TIMM8B: variants seen among roughly 807,000 people sequenced by gnomAD.
TIMM8B encodes translocase of inner mitochondrial membrane 8 homolog B, also known as mitochondrial import inner membrane translocase subunit Tim8 B.
A neutral mutation model predicts 8.5 loss-of-function variants in TIMM8B; 5 were observed. That is an observed-to-expected ratio of 0.59 (90% CI 0.31 to 1.24). The LOEUF is 1.24. TIMM8B is among the 50% of genes most tolerant of loss of function. TIMM8B has a pLI of 0.07. For synonymous variants in TIMM8B, 44 were observed against 39.9 expected, an observed-to-expected ratio of 1.10 and a Z score of -0.39; for missense variants, 104 against 109.2, an observed-to-expected ratio of 0.95 and a Z score of 0.21.
At chr11:112,086,457 C>T (rs1015991710) in intron 1 of TIMM8B, 183 bp downstream of exon 1, 52 of 932,706 alleles carry the variant, frequency 5.6e-5, no homozygotes, top group Non-Finnish European at 7.5e-5. Context: ...CGCTTATATA[C>T]CTGGCACCTG....
chr11:112,086,411 C>A, intron 1 of TIMM8B: 1 of 765,706 alleles, frequency 1.3e-6, no homozygotes, highest in Non-Finnish European at 2.2e-6. Context: ...TCGCCCAAAT[C>A]TTCCCTGTTT....
In TIMM8B at chr11:112,085,301, C is replaced by T. The variant is rs763728326; in HGVS notation, c.246G>A (p.Gly82=). The stretch of plus-strand genomic sequence containing the variant: ...CATTCTCCTGGGGGATGGCCTACTG[C>T]CCTCCTTTCTGTACAATCTGGGCAA... The part of the protein sequence containing the change: ...SRFAQIVQKG[G]Q The change falls in exon 2 of 2, where the codon GGG becomes GGA. Residue 82 remains glycine (G), a synonymous_variant. Coordinates refer to ENST00000504148, the MANE Select transcript of TIMM8B (RefSeq NM_012459.4). The T allele has an allele frequency of 6.2e-7, 1 of 1,610,272 alleles. No individual in the cohort carries two copies. Among genetic ancestry groups the T allele is most frequent in the African/African-American group, 1.3e-5 (1 of 74,810 alleles).
chr11:112,086,017 A>C, intron 1 of TIMM8B: 1 of 1,155,884 alleles, frequency 8.7e-7, no homozygotes. Context: ...GTTCTCTCTA[A>C]GGTCCTCAAG....
In TIMM8B at chr11:112,085,374, C is replaced by A; in HGVS notation, c.173G>T (p.Ser58Ile). Residue 58 changes from serine to isoleucine, a missense_variant, in exon 2 of 2, where the codon AGC becomes ATC. Transcript: ENST00000504148. ...GGTGTCAATGAAGCGGTCTACACAG[C>A]TGGAGAGACAATTTTCAGTGCGAGA... Reference protein sequence around the residue: ...LDSRTENCLSSCVDRFIDTTL... With the variant: ...LDSRTENCLSICVDRFIDTTL... 6.2e-7 allele frequency: 1 copy of A among 1,613,932 alleles called. No individual in the cohort carries two copies. The highest frequency in any genetic ancestry group is 8.5e-7 in the Non-Finnish European group (1 of 1,180,028).
intron 1 of TIMM8B, chr11:112,086,239 C>G: frequency 2.0e-6 from 1 of 496,536 alleles, no homozygotes; most frequent in Non-Finnish European, 3.8e-6. Flanking sequence ...TCCTCACAAT[C>G]CAGTGAGGCA....
chr11:112,086,135 C>A, intron 1 of TIMM8B: 1 of 945,208 alleles, frequency 1.1e-6, no homozygotes. Context: ...GGCTCCAAAC[C>A]CTTGTTCTAC....
intron 1 of TIMM8B, chr11:112,086,300 G>T: frequency 1.9e-6 from 1 of 515,180 alleles, no homozygotes; most frequent in Non-Finnish European, 3.7e-6. Flanking sequence ...TCTTTTCTAC[G>T]GGCACGTGGC....
rs967366221 is a variant in TIMM8B at position 112,084,974 on chromosome 11, C to T, written c.*321G>A. On this transcript the variant is annotated 3_prime_UTR_variant, in exon 2 of 2. Coordinates refer to ENST00000504148, the MANE Select transcript of TIMM8B (RefSeq NM_012459.4). ...TGGTTTTTCAAAACCTACAATCCCC[C>T]ATTTGCACTACTGGCCATGGAACAT... 4.9e-6 allele frequency: 1 copy of T among 203,448 alleles called. No individual in the cohort carries two copies. The highest frequency in any genetic ancestry group is 2.3e-5 in the African/African-American group (1 of 43,400). The allele number at this position is 203,448 out of a possible 1,614,324, so 12.6% of individuals were successfully genotyped here. A position where few individuals can be genotyped will look rare whatever the true frequency, so the allele number is the denominator to read the frequency against.
intron 1 of TIMM8B, chr11:112,085,938 T>A (rs964337097): frequency 5.0e-6 from 5 of 1,003,724 alleles, no homozygotes; most frequent in Non-Finnish European, 6.1e-6. Context: ...ACCCTCTTCC[T>A]CCCACCCAAA....
At chr11:112,086,081 T>C in intron 1 of TIMM8B, 4 of 1,207,296 alleles carry the variant, frequency 3.3e-6, no homozygotes, top group South Asian at 2.9e-5. Context: ...TCCAAGGTCA[T>C]GTAGCCAGCA....
rs1344458435 is a variant in TIMM8B at position 112,086,720 on chromosome 11, C to G, written c.4G>C (p.Ala2Pro). The change falls in exon 1 of 2, where the codon GCG (alanine) becomes CCG (proline). Residue 2 changes from alanine to proline, a missense_variant. Coordinates refer to ENST00000504148, the MANE Select transcript of TIMM8B (RefSeq NM_012459.4). ...GCTTCATCGGCTTCGCCCAGCTCCG[C>G]CATTGTTCGCCTCAGGCTCGCCACC... M[A>P]ELGEADEAEL... 2 of 1,602,362 alleles carry G rather than the reference C, an allele frequency of 1.2e-6. No individual in the cohort carries two copies. Among genetic ancestry groups the G allele is most frequent in the Admixed American group, 3.4e-5 (2 of 58,984 alleles).
At chr11:112,085,589 C>T (rs1185087547) in intron 1 of TIMM8B, 127 bp from the exon 2 acceptor site, 2 of 704,982 alleles carry the variant, frequency 2.8e-6, no homozygotes, top group Non-Finnish European at 4.5e-6. Context: ...ACTTTGGGCT[C>T]TTCTCTTTCT....
chr11:112,085,424 C>T lies in TIMM8B; in HGVS notation c.123G>A (p.Val41=). 6.2e-7 allele frequency: 1 copy of T among 1,614,014 alleles called. No homozygotes were observed. Among genetic ancestry groups the T allele is most frequent in the Non-Finnish European group, 8.5e-7 (1 of 1,179,928 alleles). Residue 41 remains valine, a synonymous_variant, in exon 2 of 2, where the codon GTG becomes GTA. Transcript: ENST00000504148. ...HFMELCWDKC[V]EKPGNRLDSR... ...AGTCTAGGCGATTCCCTGGCTTCTC[C>T]ACACATTTATCCCAACATAACTCCA...
intron 1 of TIMM8B, chr11:112,086,278 A>C (rs1865595148): frequency 6.1e-6 from 3 of 494,750 alleles, no homozygotes; most frequent in South Asian, 3.1e-5. Flanking sequence ...CAAAACCCAC[A>C]GTGGATGAGT....
At chr11:112,085,539 G>T in intron 1 of TIMM8B, 77 bp from the exon 2 acceptor site, 3 of 1,258,546 alleles carry the variant, frequency 2.4e-6, no homozygotes, top group South Asian at 1.5e-5. Flanking sequence ...CTCACTTTTT[G>T]ACACCTGACA....
At chr11:112,086,580 T>C in intron 1 of TIMM8B, 60 bp downstream of exon 1, 1 of 1,500,550 alleles carries the variant, frequency 6.7e-7, no homozygotes, top group Non-Finnish European at 8.9e-7. Flanking sequence ...CCTCCGAGCG[T>C]GCCCAGGACC....
Position 112,085,479 on chromosome 11 carries a change from A to T in TIMM8B, c.85-17T>A. On this transcript the variant is annotated splice_polypyrimidine_tract_variant and intron_variant, in intron 1 of 1. Transcript: ENST00000504148. ...GTGATGCACCTAAAAGGAAAGAAAA[A>T]TAGTAACCATTGGGGTCTGCAGATA... The T allele has an allele frequency of 6.2e-7, 1 of 1,607,504 alleles. No individual in the cohort carries two copies. The highest frequency in any genetic ancestry group is 8.5e-7 in the Non-Finnish European group (1 of 1,175,972).
In TIMM8B at chr11:112,086,694, C is replaced by T. The variant is rs11553148; in HGVS notation, c.30G>A (p.Ala10=). 2.5e-6 allele frequency: 4 copies of T among 1,603,908 alleles called. No homozygotes were observed. Among genetic ancestry groups the T allele is most frequent in the East Asian group, 2.2e-5 (1 of 44,742 alleles). MAELGEADE[A]ELQRLVAAEQ... ...CGGCGGCCACCAGGCGCTGCAACTCCGCTTCATCGGCTTCGCCCAGCTCCG... is the reference window on the plus strand; with the variant it reads ...CGGCGGCCACCAGGCGCTGCAACTCTGCTTCATCGGCTTCGCCCAGCTCCG... Residue 10 remains alanine, a synonymous_variant, in exon 1 of 2, where the codon GCG becomes GCA. Coordinates refer to ENST00000504148, the MANE Select transcript of TIMM8B (RefSeq NM_012459.4).
chr11:112,086,150 A>G (rs1207410138), intron 1 of TIMM8B: 7 of 815,630 alleles, frequency 8.6e-6, no homozygotes, highest in Non-Finnish European at 1.2e-5. Flanking sequence ...TTCTACATCC[A>G]TAGTCTACAG....
Sources: allele counts gnomAD v4.1 joint callset, GRCh38; gene constraint gnomAD v4.1.1; transcripts MANE v1.5; gene names NCBI Gene and HGNC (gene_info 2026-07-23, HGNC 2026-07-21).